The following GLRA2 variants were observed in gnomAD, a reference collection of about 807,000 sequenced individuals.
GLRA2 encodes the protein glycine receptor subunit alpha-2.
A neutral mutation model predicts 31.6 loss-of-function variants in GLRA2; 11 were observed. The observed-to-expected ratio is 0.35, with a 90% CI of 0.22 to 0.58. GLRA2 has a LOEUF of 0.58. Among genes scored for constraint, GLRA2 ranks in the 20% least tolerant of loss-of-function variants. GLRA2 has a pLI of 0.84. For missense variants in GLRA2, 212 were observed against 351.8 expected, an observed-to-expected ratio of 0.60 and a Z score of 3.18; for synonymous variants, 132 against 134.0, an observed-to-expected ratio of 0.99 and a Z score of 0.10.
At chrX:14,492,325 C>G in the GLRA2 span, among the ~76,000 whole-genome samples, 1 of 110,988 alleles carries the variant, frequency 9.0e-6, no homozygotes, top group Non-Finnish European at 1.9e-5. Flanking sequence ...CTAGTCTCCT[C>G]ATGCTCAGTC....
chrX:14,628,800 T>C (rs2090615312), intron 7 of GLRA2, among the ~76,000 whole-genome samples: 1 of 111,568 alleles, frequency 9.0e-6, no homozygotes, highest in Non-Finnish European at 1.9e-5. Flanking sequence ...GGGAGGCACA[T>C]AGGTCACACA....
chrX:14,703,989 A>G (rs12841184), intron 8 of GLRA2, among the ~76,000 whole-genome samples: 11,627 of 111,270 alleles, frequency 0.1, 898 homozygotes, highest in African/African-American at 0.26. Context: ...GGAGAGAACA[A>G]AAACAAACTA....
chrX:14,685,508 T>C (rs1379109923), intron 7 of GLRA2, among the ~76,000 whole-genome samples: 1 of 111,890 alleles, frequency 8.9e-6, no homozygotes, highest in African/African-American at 3.3e-5. Context: ...GTTATGGGTC[T>C]ATTCAGGGAT....
intron 8 of GLRA2, among the ~76,000 whole-genome samples, chrX:14,705,949 C>A (rs116583908): frequency 0.027 from 3,037 of 111,700 alleles, 99 homozygotes; most frequent in African/African-American, 0.093. Flanking sequence ...GAAGTCATAC[C>A]AGAAATGAGC....
the GLRA2 span, among the ~76,000 whole-genome samples, chrX:14,489,569 A>G: frequency 1.8e-5 from 2 of 112,102 alleles, no homozygotes; most frequent in African/African-American, 6.5e-5. Flanking sequence ...CCCAGGTACA[A>G]CCCAGGAAGA....
intron 8 of GLRA2, among the ~76,000 whole-genome samples, chrX:14,704,925 A>G (rs1490873360): frequency 8.9e-6 from 1 of 112,168 alleles, no homozygotes; most frequent in Non-Finnish European, 1.9e-5. Flanking sequence ...TAAGAACCAT[A>G]AGAGAGTTAT....
At chrX:14,512,437 A>G in the GLRA2 span, among the ~76,000 whole-genome samples, 28 of 111,732 alleles carry the variant, frequency 2.5e-4, no homozygotes, top group African/African-American at 8.1e-4. Flanking sequence ...CAGACAAGAG[A>G]TAGAAATAAA....
chrX:14,579,231 G>A (rs945691681), intron 3 of GLRA2, among the ~76,000 whole-genome samples: 11 of 111,941 alleles, frequency 9.8e-5, no homozygotes, highest in African/African-American at 3.2e-4. Context: ...CTATAGCTGC[G>A]TAAACAAGTT....
chrX:14,605,392 T>C (rs768689049), intron 5 of GLRA2, among the ~76,000 whole-genome samples: 74 of 112,078 alleles, frequency 6.6e-4, no homozygotes, highest in Middle Eastern at 4.6e-3. Context: ...AACCTCTTTA[T>C]CTTAAGAAGT....
At chrX:14,629,738 ACT>A (rs1464213746) in intron 7 of GLRA2, among the ~76,000 whole-genome samples, 1 of 110,082 alleles carries the variant, frequency 9.1e-6, no homozygotes, top group African/African-American at 3.3e-5. Flanking sequence ...ATTGTCCATA[ACT>A]CTTTTTGTGT....
chrX:14,508,367 G>A, the GLRA2 span, among the ~76,000 whole-genome samples: 1 of 112,301 alleles, frequency 8.9e-6, no homozygotes, highest in African/African-American at 3.2e-5. Context: ...ATTGGCGGAG[G>A]AGAGGAGGGC....
intron 8 of GLRA2, among the ~76,000 whole-genome samples, chrX:14,726,622 C>T (rs2091931605): frequency 8.9e-6 from 1 of 112,308 alleles, no homozygotes; most frequent in Admixed American, 9.4e-5. Flanking sequence ...ATTTATTAAG[C>T]CCCCACAGTT....
At chrX:14,493,582 T>C in the GLRA2 span, among the ~76,000 whole-genome samples, 389 of 104,491 alleles carry the variant, frequency 3.7e-3, 6 homozygotes, top group Non-Finnish European at 5.7e-3. Context: ...TATATACATA[T>C]ATACACATAT....
chrX:14,694,181 G>A (rs1273259795), intron 8 of GLRA2, among the ~76,000 whole-genome samples: 1 of 111,910 alleles, frequency 8.9e-6, no homozygotes, highest in African/African-American at 3.2e-5. Context: ...GAACCAGATT[G>A]CAGTAGTTTA....
At chrX:14,651,529 A>C (rs374547439) in intron 7 of GLRA2, among the ~76,000 whole-genome samples, 6 of 111,636 alleles carry the variant, frequency 5.4e-5, no homozygotes, top group African/African-American at 2.0e-4. Context: ...GTATGTTTAG[A>C]TATACAAATA....
chrX:14,494,156 G>A, the GLRA2 span, among the ~76,000 whole-genome samples: 2 of 111,487 alleles, frequency 1.8e-5, no homozygotes, highest in South Asian at 7.6e-4. Context: ...AGTTGGGGCA[G>A]CATTTACCCT....
chrX:14,451,910 T>C, the GLRA2 span, among the ~76,000 whole-genome samples: 1 of 111,395 alleles, frequency 9.0e-6, no homozygotes, highest in Non-Finnish European at 1.9e-5. Flanking sequence ...AACAACAAGA[T>C]TTAACTATTC....
At chrX:14,679,839 C>T (rs995899420) in intron 7 of GLRA2, among the ~76,000 whole-genome samples, 1 of 112,022 alleles carries the variant, frequency 8.9e-6, no homozygotes, top group African/African-American at 3.2e-5. Context: ...GAACCATCTA[C>T]TTTATATCAC....
chrX:14,677,464 C>T (rs1007657472), intron 7 of GLRA2, among the ~76,000 whole-genome samples: 103 of 111,813 alleles, frequency 9.2e-4, no homozygotes, highest in African/African-American at 3.1e-3. Flanking sequence ...TCTTTAAGTG[C>T]GTTACAAATT....
Sources: allele counts gnomAD v4.1 joint callset (sites outside exome capture counted in the v4.1 genomes callset), GRCh38; gene constraint gnomAD v4.1.1; transcripts MANE v1.5; gene names NCBI Gene and HGNC (gene_info 2026-07-23, HGNC 2026-07-21).